The following TGM4 variants were observed in gnomAD, a reference collection of about 807,000 sequenced individuals.
The protein encoded by TGM4 is protein-glutamine gamma-glutamyltransferase 4.
TGM4 carries 61 observed loss-of-function variants against 76.3 expected under a neutral mutation model. The ratio of observed to expected loss-of-function variants is 0.80; its 90% CI spans 0.65 to 0.99. The LOEUF (loss-of-function observed/expected upper bound fraction) is 0.99. Among genes scored for constraint, TGM4 ranks in the 50% least tolerant of loss-of-function variants. The probability of loss-of-function intolerance (pLI) is 0.00; values close to 1 mark genes in which losing one functional copy is unlikely to be tolerated. For missense variants in TGM4, 794 were observed against 843.2 expected (o/e 0.94, Z 0.72); for synonymous variants, 337 against 329.8 (o/e 1.02, Z -0.24).
At chr3:44,910,437 C>T in intron 11 of TGM4, 69 bp downstream of exon 11, 1 of 1,535,946 alleles carries the variant, frequency 6.5e-7, no homozygotes, top group Non-Finnish European at 8.8e-7. Context: ...TCCCTCTTCT[C>T]CTCTGTGGAC....
In TGM4 at chr3:44,896,834, G is replaced by A; in HGVS notation, c.657+18G>A. On this transcript the variant is annotated intron_variant, in intron 6 of 13. Transcript: ENST00000296125. ...GTGCTATGGTAGGTATGGAAAGCCT[G>A]GGCTGATGCTGTCTTGTACTTGCCA... 1 of 1,607,008 alleles carries A rather than the reference G, an allele frequency of 6.2e-7. No individual in the cohort carries two copies. The highest frequency in any genetic ancestry group is 8.5e-7 in the Non-Finnish European group (1 of 1,173,676).
At chr3:44,911,979 T>G (rs1053826636) in intron 13 of TGM4, among the ~76,000 whole-genome samples, 4 of 152,028 alleles carry the variant, frequency 2.6e-5, no homozygotes, top group African/African-American at 9.7e-5. Context: ...TACAGGCATA[T>G]GCCACCACAC....
At chr3:44,886,608 G>A (rs527979223) in intron 2 of TGM4, among the ~76,000 whole-genome samples, 1 of 152,296 alleles carries the variant, frequency 6.6e-6, no homozygotes, top group South Asian at 2.1e-4. Flanking sequence ...GTACCCCTGG[G>A]TCCATGTGCA....
chr3:44,887,572 A>T, intron 2 of TGM4, 117 bp from the exon 3 acceptor site: 1 of 826,386 alleles, frequency 1.2e-6, no homozygotes. Flanking sequence ...GGGACAAATG[A>T]GCCTGGAAAG....
intron 5 of TGM4, among the ~76,000 whole-genome samples, chr3:44,895,105 C>T (rs1307933898): frequency 6.6e-6 from 1 of 151,640 alleles, no homozygotes; most frequent in Non-Finnish European, 1.5e-5. Flanking sequence ...ATCATCCTGG[C>T]TAACACAGTG....
intron 9 of TGM4, 21 bp from the exon 10 acceptor site, chr3:44,906,928 C>A (rs770807200): frequency 1.6e-5 from 26 of 1,608,650 alleles, no homozygotes; most frequent in South Asian, 2.2e-5. Flanking sequence ...CTGAGAGTGA[C>A]CACCCCTGGC....
chr3:44,876,419 A>G (rs971469441), intron 1 of TGM4: 2 of 152,184 alleles, frequency 1.3e-5, no homozygotes, highest in African/African-American at 4.8e-5. Context: ...TGTTCTTCCA[A>G]CCACTCTAGG....
rs553410977 is a variant in TGM4, at chr3:44,880,165, T to G, written c.20-5160T>G. On this transcript the variant is annotated intron_variant, in intron 1 of 13. Transcript: ENST00000296125. Reference sequence around the variant, plus strand: ...ATTTCTTGGACGAATACTTGTGTGGTTTCTGCTGAAATAGTGTATTTTGTG... The same window carrying G: ...ATTTCTTGGACGAATACTTGTGTGGGTTCTGCTGAAATAGTGTATTTTGTG... Among the ~76,000 whole-genome samples the G allele has an allele frequency of 1.6e-3, 243 of 151,724 alleles. 1 individual carries two copies. The highest frequency in any genetic ancestry group is 3.4e-3 in the Middle Eastern group (1 of 292).
At chr3:44,910,035 G>A (rs758528398) in intron 10 of TGM4, 55 bp from the exon 11 acceptor site, 20 of 1,573,948 alleles carry the variant, frequency 1.3e-5, no homozygotes, top group African/African-American at 2.7e-5. Context: ...GGGTGGTTGG[G>A]ACATTTGGTC....
intron 1 of TGM4, among the ~76,000 whole-genome samples, chr3:44,878,527 G>A (rs1699483083): frequency 6.7e-6 from 1 of 150,244 alleles, no homozygotes; most frequent in African/African-American, 2.4e-5. Flanking sequence ...CTGTCACCCA[G>A]GCTGGAGCAC....
At chr3:44,878,444 TTTGTTTTATTATTA>T (rs1161916737) in intron 1 of TGM4, among the ~76,000 whole-genome samples, 17 of 32,302 alleles carry the variant, frequency 5.3e-4, no homozygotes, top group African/African-American at 1.6e-3. Context: ...ATTTATTACT[TTTGTTTTATTATTA>T]TTATTATTAT....
At chr3:44,902,895 G>A (rs984995910) in intron 8 of TGM4, among the ~76,000 whole-genome samples, 5 of 152,232 alleles carry the variant, frequency 3.3e-5, no homozygotes, top group Non-Finnish European at 5.9e-5. Flanking sequence ...GAGGTGGGAA[G>A]GTCAGGGCAT....
At chr3:44,882,378 TG>T (rs1433001891) in intron 1 of TGM4, among the ~76,000 whole-genome samples, 1 of 152,232 alleles carries the variant, frequency 6.6e-6, no homozygotes, top group Non-Finnish European at 1.5e-5. Flanking sequence ...CCATCTGTTA[TG>T]TGCTGTATGT....
At chr3:44,897,926 G>A (rs923303578) in intron 6 of TGM4, among the ~76,000 whole-genome samples, 1 of 152,152 alleles carries the variant, frequency 6.6e-6, no homozygotes, top group African/African-American at 2.4e-5. Context: ...ATCTGCTTCT[G>A]CATTCATTGT....
intron 9 of TGM4, among the ~76,000 whole-genome samples, chr3:44,904,459 T>G (rs1699897141): frequency 6.6e-6 from 1 of 152,164 alleles, no homozygotes; most frequent in South Asian, 2.1e-4. Flanking sequence ...GTTACCAACT[T>G]CTGGGTAAGA....
intron 13 of TGM4, among the ~76,000 whole-genome samples, chr3:44,913,106 T>C (rs1700026752): frequency 6.6e-6 from 1 of 150,558 alleles, no homozygotes; most frequent in Non-Finnish European, 1.5e-5. Flanking sequence ...CAGTGTAGAT[T>C]CTGATTCAGC....
intron 1 of TGM4, among the ~76,000 whole-genome samples, chr3:44,881,314 A>G (rs1237301170): frequency 1.3e-5 from 2 of 152,224 alleles, no homozygotes; most frequent in African/African-American, 2.4e-5. Context: ...GGAAAGCTGT[A>G]TTTAATAATC....
At chr3:44,893,945 A>ATGGATCTCTCCCC (rs1699740158) in intron 5 of TGM4, among the ~76,000 whole-genome samples, 1 of 49,714 alleles carries the variant, frequency 2.0e-5, no homozygotes, top group Non-Finnish European at 3.9e-5. Flanking sequence ...GCTCTCTCCC[A>ATGGATCTCTCCCC]CCCCCCACAG....
At chr3:44,912,374 C>T (rs1700016644) in intron 13 of TGM4, among the ~76,000 whole-genome samples, 1 of 152,114 alleles carries the variant, frequency 6.6e-6, no homozygotes, top group Admixed American at 6.5e-5. Flanking sequence ...CTGTGGTTTT[C>T]CTAGTACTTT....
Sources: gnomAD v4.1 joint callset for allele counts (sites outside exome capture counted in the v4.1 genomes callset) on GRCh38, gnomAD v4.1.1 for gene constraint, MANE v1.5 for transcripts, NCBI Gene and HGNC (gene_info 2026-07-23, HGNC 2026-07-21) for gene names.